The following PCDHA11 variants were observed in gnomAD, a reference collection of about 807,000 sequenced individuals.
PCDHA11 encodes the protein protocadherin alpha 11, also known as protocadherin alpha-11.
PCDHA11 carries 61 observed loss-of-function variants against 70.3 expected under a neutral mutation model. The observed-to-expected ratio is 0.87, with a 90% CI of 0.71 to 1.07. PCDHA11 has a LOEUF of 1.07. Ranked by LOEUF, PCDHA11 falls within the 50% of genes least tolerant of loss-of-function variation. PCDHA11 has a pLI of 0.00. For missense variants in PCDHA11, 1,324 were observed against 1,237.5 expected, an observed-to-expected ratio of 1.07 and a Z score of -1.05; for synonymous variants, 633 against 555.1, an observed-to-expected ratio of 1.14 and a Z score of -1.97.
intron 1 of PCDHA11, among the ~76,000 whole-genome samples, chr5:140,952,946 G>A (rs2094822679): frequency 6.6e-6 from 1 of 152,070 alleles, no homozygotes; most frequent in African/African-American, 2.4e-5. Flanking sequence ...AAGAGAGAGA[G>A]AAGGGGGAAG....
At chr5:140,939,207 T>C (rs1013809748) in intron 1 of PCDHA11, among the ~76,000 whole-genome samples, 1 of 152,180 alleles carries the variant, frequency 6.6e-6, no homozygotes, top group Non-Finnish European at 1.5e-5. Context: ...GAATGTCACC[T>C]TCTTGCTGTC....
At chr5:140,872,095 C>G (rs2053482377) in intron 1 of PCDHA11, among the ~76,000 whole-genome samples, 1 of 152,150 alleles carries the variant, frequency 6.6e-6, no homozygotes, top group African/African-American at 2.4e-5. Context: ...GCACTTAGTC[C>G]ATTGGCTTTC....
In PCDHA11 at chr5:141,000,418, TATA is replaced by T. The variant is rs1442097844; in HGVS notation, c.2540-9208_2540-9206del. 6.0e-3 allele frequency among the ~76,000 whole-genome samples: 500 copies of T among 83,616 alleles called. 3 individuals are homozygous for T. The highest frequency in any genetic ancestry group is 7.2e-3 in the African/African-American group (142 of 19,618). 54.9% of individuals were successfully genotyped at this position (83,616 alleles called of 152,430 possible). A position where few individuals can be genotyped will look rare whatever the true frequency, so the allele number is the denominator to read the frequency against. ...CTCTATATATATATATATATATATA[TATA>T]TTTTTTTTTTTTTTTTTTTTTTTGA... On this transcript the variant is annotated intron_variant, in intron 3 of 3. Coordinates refer to ENST00000398640, the MANE Select transcript of PCDHA11 (RefSeq NM_018902.5).
chr5:141,006,436 A>G (rs2153987648), intron 3 of PCDHA11, among the ~76,000 whole-genome samples: 1 of 152,098 alleles, frequency 6.6e-6, no homozygotes, highest in African/African-American at 2.4e-5. Context: ...GATGGTCTCA[A>G]TCTCCTGACC....
chr5:141,009,239 G>T (rs1416549332), intron 3 of PCDHA11, among the ~76,000 whole-genome samples: 2 of 152,186 alleles, frequency 1.3e-5, no homozygotes, highest in Admixed American at 1.3e-4. Context: ...AGGATCTCTT[G>T]AGCTTCAGTG....
chr5:140,884,113 G>A, intron 1 of PCDHA11: 2 of 1,613,388 alleles, frequency 1.2e-6, no homozygotes, highest in Non-Finnish European at 1.7e-6. Context: ...AGCTGGCGGC[G>A]GTCGGCGCGC....
At chr5:140,873,615 A>C (rs1487252868) in intron 1 of PCDHA11, among the ~76,000 whole-genome samples, 3 of 152,280 alleles carry the variant, frequency 2.0e-5, no homozygotes, top group African/African-American at 7.2e-5. Context: ...TTGGCTTAAC[A>C]ATTTGTTTAG....
intron 1 of PCDHA11, among the ~76,000 whole-genome samples, chr5:140,953,053 T>G (rs1475683860): frequency 2.0e-5 from 3 of 152,142 alleles, no homozygotes; most frequent in African/African-American, 7.2e-5. Flanking sequence ...TCCAATCACC[T>G]CTCACAGGCC....
intron 1 of PCDHA11, among the ~76,000 whole-genome samples, chr5:140,917,740 C>T (rs1257665291): frequency 6.6e-6 from 1 of 152,090 alleles, no homozygotes; most frequent in Non-Finnish European, 1.5e-5. Context: ...TCTAACCTGT[C>T]CCATTGGTCT....
intron 1 of PCDHA11, chr5:140,882,798 A>AT: frequency 6.2e-7 from 1 of 1,614,236 alleles, no homozygotes; most frequent in Non-Finnish European, 8.5e-7. Flanking sequence ...CCCAACGATT[A>AT]TTTCACTTTG....
intron 1 of PCDHA11, among the ~76,000 whole-genome samples, chr5:140,886,777 G>A (rs2061124221): frequency 1.4e-5 from 2 of 140,408 alleles, no homozygotes; most frequent in South Asian, 4.7e-4. Flanking sequence ...AGTGAGATGA[G>A]ATCATGCTAC....
At chr5:140,927,638 G>C (rs781909639) in intron 1 of PCDHA11, 1 of 1,614,024 alleles carries the variant, frequency 6.2e-7, no homozygotes, top group Admixed American at 1.7e-5. Flanking sequence ...GCACCCAATG[G>C]GACTGTGTTA....
intron 3 of PCDHA11, among the ~76,000 whole-genome samples, chr5:140,996,394 G>A (rs2097724789): frequency 6.6e-6 from 1 of 152,192 alleles, no homozygotes; most frequent in Non-Finnish European, 1.5e-5. Context: ...GCCTCATAGA[G>A]TTTCAGGTGG....
intron 1 of PCDHA11, chr5:140,882,607 T>G (rs1313419888): frequency 6.8e-6 from 11 of 1,614,124 alleles, no homozygotes; most frequent in East Asian, 2.2e-5. Flanking sequence ...TGGACAGGCC[T>G]CTGCAGGTTT....
chr5:140,903,908 T>G (rs1248455998), intron 1 of PCDHA11, among the ~76,000 whole-genome samples: 2 of 152,242 alleles, frequency 1.3e-5, no homozygotes, highest in East Asian at 1.9e-4. Flanking sequence ...GTCAATGATG[T>G]GACTTCCTTG....
At chr5:140,880,926 G>C (rs1554171610) in intron 1 of PCDHA11, among the ~76,000 whole-genome samples, 1 of 152,192 alleles carries the variant, frequency 6.6e-6, no homozygotes, top group African/African-American at 2.4e-5. Context: ...TACTATGTTA[G>C]TAAAAGTAAT....
intron 1 of PCDHA11, among the ~76,000 whole-genome samples, chr5:140,918,322 A>G (rs538027862): frequency 1.1e-4 from 16 of 152,220 alleles, no homozygotes; most frequent in African/African-American, 2.6e-4. Context: ...GTATAAAATT[A>G]TATTGTCTGC....
intron 1 of PCDHA11, among the ~76,000 whole-genome samples, chr5:140,880,283 A>G (rs1308508886): frequency 3.3e-5 from 5 of 152,250 alleles, no homozygotes; most frequent in African/African-American, 9.6e-5. Flanking sequence ...AAGTTTGACT[A>G]TCTTCATAGT....
intron 1 of PCDHA11, chr5:140,928,706 A>T: frequency 6.2e-7 from 1 of 1,613,858 alleles, no homozygotes; most frequent in Non-Finnish European, 8.5e-7. Flanking sequence ...CGGGCGTCTG[A>T]CTCTAGTCTC....
Sources: allele counts gnomAD v4.1 joint callset (sites outside exome capture counted in the v4.1 genomes callset), GRCh38; gene constraint gnomAD v4.1.1; transcripts MANE v1.5; gene names NCBI Gene and HGNC (gene_info 2026-07-23, HGNC 2026-07-21).